The following CD37 variants were observed in gnomAD, a reference collection of about 807,000 sequenced individuals.
The protein encoded by CD37 is leukocyte antigen CD37.
CD37 carries 37 observed loss-of-function variants against 38.9 expected under a neutral mutation model. The ratio of observed to expected loss-of-function variants is 0.95; its 90% CI spans 0.73 to 1.25. The LOEUF is 1.25. Among genes scored for constraint, CD37 ranks in the 50% most tolerant of loss-of-function variants. The pLI is 0.00. For missense variants in CD37, 351 were observed against 360.1 expected (o/e 0.97, Z 0.20); for synonymous variants, 146 against 150.1 (o/e 0.97, Z 0.20).
rs750178372 is a variant in CD37 at position 49,335,984 on chromosome 19, G to C, written c.142+198G>C. 3 of 605,744 alleles carry C rather than the reference G, an allele frequency of 5.0e-6. No homozygotes were observed. The highest frequency in any genetic ancestry group is 8.8e-6 in the Non-Finnish European group (3 of 339,898). The allele number at this position is 605,744 out of a possible 1,614,324, so 37.5% of individuals were successfully genotyped here. A position where few individuals can be genotyped will look rare whatever the true frequency, so the allele number is the denominator to read the frequency against. On this transcript the variant is annotated intron_variant, in intron 2 of 7. Coordinates refer to ENST00000323906, the MANE Select transcript of CD37 (RefSeq NM_001774.3). The surrounding 1 kb of genome is among the most constrained non-coding windows in gnomAD (Gnocchi z 4.6). Reference sequence around the variant, plus strand: ...TGTGCATACAAACAACAATGATCATGAGAGCCATTTCTCAAGCACTTCCTA... The same window carrying C: ...TGTGCATACAAACAACAATGATCATCAGAGCCATTTCTCAAGCACTTCCTA...
rs751538718 is a variant in CD37, at chr19:49,338,966, C to A, written c.684+30C>A. 2 of 1,548,632 alleles carry A rather than the reference C, an allele frequency of 1.3e-6. No individual in the cohort carries two copies. The highest frequency in any genetic ancestry group is 4.5e-5 in the East Asian group (2 of 44,298). Reference sequence around the variant, plus strand: ...GCAGGGGTTCGGAGCATAAACCTGTCGAATGGGGCGGGGCCTGCGGGAGGG... The same window carrying A: ...GCAGGGGTTCGGAGCATAAACCTGTAGAATGGGGCGGGGCCTGCGGGAGGG... On this transcript the variant is annotated intron_variant, in intron 6 of 7. Transcript: ENST00000323906. This position sits in a 1 kb window ranked among gnomAD's most constrained non-coding sequence, Gnocchi z 5.0.
At chr19:49,337,476 T>C in intron 4 of CD37, 1 of 601,706 alleles carries the variant, frequency 1.7e-6, no homozygotes, top group Non-Finnish European at 2.8e-6. Context: ...AAAAAAAAAA[T>C]CCGGGTGTGA....
chr19:49,335,829 A>G lies in CD37; in HGVS notation c.142+43A>G. On this transcript the variant is annotated intron_variant, in intron 2 of 7. Coordinates refer to ENST00000323906, the MANE Select transcript of CD37 (RefSeq NM_001774.3). The surrounding 1 kb of genome is among the most constrained non-coding windows in gnomAD (Gnocchi z 4.6). The stretch of plus-strand genomic sequence containing the variant: ...AGGTGGGAGGGCCTCCCCCAACCCA[A>G]GCAACTTCCTGGGGTCTCCCTTGTC... The G allele has an allele frequency of 6.6e-7, 1 of 1,512,734 alleles. No homozygotes were observed. The highest frequency in any genetic ancestry group is 9.2e-7 in the Non-Finnish European group (1 of 1,090,152). The allele number at this position is 1,512,734 out of a possible 1,614,324, so 93.7% of individuals were successfully genotyped here. A position where few individuals can be genotyped will look rare whatever the true frequency, so the allele number is the denominator to read the frequency against.
In CD37 at chr19:49,340,522, C is replaced by A. The variant is rs1478780220; in HGVS notation, c.*194C>A. The A allele has an allele frequency of 1.6e-6, 1 of 632,786 alleles. No homozygotes were observed. The highest frequency in any genetic ancestry group is 2.4e-5 in the Admixed American group (1 of 42,436). 39.2% of individuals were successfully genotyped at this position (632,786 alleles called of 1,614,324 possible). On this transcript the variant is annotated 3_prime_UTR_variant, in exon 8 of 8. Coordinates refer to ENST00000323906, the MANE Select transcript of CD37 (RefSeq NM_001774.3). ...GACCTGGGGCTTTCGTCCACAGCTTCCTGTCCCCATCTGTCGGCCTACCAC... is the reference window on the plus strand; with the variant it reads ...GACCTGGGGCTTTCGTCCACAGCTTACTGTCCCCATCTGTCGGCCTACCAC...
Position 49,339,539 on chromosome 19 carries a change from C to T in CD37, c.768+126C>T, listed in dbSNP as rs1477411544. 4 of 1,477,760 alleles carry T rather than the reference C, an allele frequency of 2.7e-6. No individual in the cohort carries two copies. The highest frequency in any genetic ancestry group is 2.4e-5 in the East Asian group (1 of 42,552). The allele number at this position is 1,477,760 out of a possible 1,614,324, so 91.5% of individuals were successfully genotyped here. A position where few individuals can be genotyped will look rare whatever the true frequency, so the allele number is the denominator to read the frequency against. ...GCGGAGCGCAGCCCACCCCGGCCCT[C>T]CCGCCGCTCCACCCAGCACCGGAGG... On this transcript the variant is annotated intron_variant, in intron 7 of 7. Transcript: ENST00000323906. This position sits in a 1 kb window ranked among gnomAD's most constrained non-coding sequence, Gnocchi z 4.5.
chr19:49,338,596 G>A lies in CD37; in HGVS notation c.448-104G>A. 1.2e-6 allele frequency: 1 copy of A among 813,250 alleles called. No homozygotes were observed. 50.4% of individuals were successfully genotyped at this position (813,250 alleles called of 1,614,324 possible). A position where few individuals can be genotyped will look rare whatever the true frequency, so the allele number is the denominator to read the frequency against. ...TCCCCCACTCCACACCCACCACTTA[G>A]TCCCCTGCTCCCCGACCTGACCTCA... is the stretch of plus-strand genomic sequence containing the variant. On this transcript the variant is annotated intron_variant, in intron 5 of 7. Transcript: ENST00000323906. This position sits in a 1 kb window ranked among gnomAD's most constrained non-coding sequence, Gnocchi z 5.0.
In CD37 at chr19:49,337,993, C is replaced by G. The variant is rs1322072751; in HGVS notation, c.411C>G (p.Thr137=). 6.2e-7 allele frequency: 1 copy of G among 1,614,020 alleles called. No individual in the cohort carries two copies. The change falls in exon 5 of 8, where the codon ACC becomes ACG. Residue 137 remains threonine (T), a synonymous_variant. Coordinates refer to ENST00000323906, the MANE Select transcript of CD37 (RefSeq NM_001774.3). ...IQKYGTNPEE[T]AAEESWDYVQ... is the part of the protein sequence containing the mutation. ...AGTACGGCACCAACCCCGAGGAGACCGCGGCCGAGGAGAGCTGGGACTATG... is the reference window on the plus strand; with the variant it reads ...AGTACGGCACCAACCCCGAGGAGACGGCGGCCGAGGAGAGCTGGGACTATG...
Position 49,338,998 on chromosome 19 carries a change from CTG to C in CD37, c.684+64_684+65del. ...GGCGGGGCCTGCGGGAGGGGGAGGG[CTG>C]TCAGTGAGTAGCGGCCTGAGAAAGG... On this transcript the variant is annotated intron_variant, in intron 6 of 7. Transcript: ENST00000323906. The surrounding 1 kb of genome is among the most constrained non-coding windows in gnomAD (Gnocchi z 5.0). 7.7e-7 allele frequency: 1 copy of C among 1,305,626 alleles called. No individual in the cohort carries two copies. Among genetic ancestry groups the C allele is most frequent in the Non-Finnish European group, 1.1e-6 (1 of 911,474 alleles). The allele number at this position is 1,305,626 out of a possible 1,614,324, so 80.9% of individuals were successfully genotyped here. A position where few individuals can be genotyped will look rare whatever the true frequency, so the allele number is the denominator to read the frequency against.
At chr19:49,336,790 A>G (rs1706507873) in intron 2 of CD37, 119 bp from the exon 3 acceptor site, 2 of 1,010,354 alleles carry the variant, frequency 2.0e-6, no homozygotes, top group Non-Finnish European at 3.0e-6. Context: ...GCAGGGACAG[A>G]GTCCCAGAGA....
rs1971043870 is a variant in CD37 at position 49,338,458 on chromosome 19, C to A, written c.448-242C>A. Among the ~76,000 whole-genome samples, 1 of 151,962 alleles carries A rather than the reference C, an allele frequency of 6.6e-6. No homozygotes were observed. The highest frequency in any genetic ancestry group is 1.5e-5 in the Non-Finnish European group (1 of 67,992). The stretch of plus-strand genomic sequence containing the variant: ...CACCCACCCAATCTCTAGTCCACAG[C>A]GCGACCCTGCAGCTCCTTCCCCAGC... On this transcript the variant is annotated intron_variant, in intron 5 of 7. Coordinates refer to ENST00000323906, the MANE Select transcript of CD37 (RefSeq NM_001774.3). This position sits in a 1 kb window ranked among gnomAD's most constrained non-coding sequence, Gnocchi z 5.0.
chr19:49,338,802 T>C lies in CD37; in HGVS notation c.550T>C (p.Leu184=), dbSNP rs1319866123. The part of the protein sequence containing the change: ...AHRVPCSCYN[L]SATNDSTILD... The stretch of plus-strand genomic sequence containing the variant: ...CCGCGTGCCCTGCTCCTGCTACAAC[T>C]TGTCGGCGACCAACGACTCCACAAT... The change falls in exon 6 of 8, where the codon TTG becomes CTG. Residue 184 remains leucine (L), a synonymous_variant. Coordinates refer to ENST00000323906, the MANE Select transcript of CD37 (RefSeq NM_001774.3). The surrounding 1 kb of genome is among the most constrained non-coding windows in gnomAD (Gnocchi z 5.0). 2 of 1,613,724 alleles carry C rather than the reference T, an allele frequency of 1.2e-6. No individual in the cohort carries two copies. The highest frequency in any genetic ancestry group is 2.2e-5 in the East Asian group (1 of 44,876).
Position 49,340,231 on chromosome 19 carries a change from C to A in CD37, c.769-20C>A. 6.2e-7 allele frequency: 1 copy of A among 1,605,684 alleles called. No individual in the cohort carries two copies. The highest frequency in any genetic ancestry group is 8.5e-7 in the Non-Finnish European group (1 of 1,173,106). ...CCAGCACCCCTTCGACTTCTCTGAC[C>A]TCATCTCCTTTCTCTATAGCTCGGG... On this transcript the variant is annotated intron_variant, in intron 7 of 7. Coordinates refer to ENST00000323906, the MANE Select transcript of CD37 (RefSeq NM_001774.3).
Position 49,335,598 on chromosome 19 carries a change from C to CTCT in CD37, c.67_69dup (p.Phe23dup). ...CAAGTACTTCCTCTTCGTTTTCAAC[C>CTCT]TCTTCTTCTTCGTGAGTTGCCTCAT... On this transcript the variant is annotated inframe_insertion, in exon 1 of 8. Coordinates refer to ENST00000323906, the MANE Select transcript of CD37 (RefSeq NM_001774.3). This position sits in a 1 kb window ranked among gnomAD's most constrained non-coding sequence, Gnocchi z 4.6. 2 of 1,613,604 alleles carry CTCT rather than the reference C, an allele frequency of 1.2e-6. No individual in the cohort carries two copies. The highest frequency in any genetic ancestry group is 8.5e-7 in the Non-Finnish European group (1 of 1,179,512).
intron 4 of CD37, chr19:49,337,619 T>C (rs1228913591): frequency 2.0e-6 from 3 of 1,468,112 alleles, no homozygotes; most frequent in Non-Finnish European, 2.7e-6. Context: ...AAAAAATAAA[T>C]TAATAGAAAG....
chr19:49,337,714 T>C (rs536499064), intron 4 of CD37: 45 of 1,533,714 alleles, frequency 2.9e-5, no homozygotes, highest in African/African-American at 6.9e-5. Flanking sequence ...GAGAAAGAAA[T>C]AGACGCCCTG....
Position 49,339,633 on chromosome 19 carries a change from C to G in CD37, c.768+220C>G. 1 of 1,430,170 alleles carries G rather than the reference C, an allele frequency of 7.0e-7. No individual in the cohort carries two copies. The highest frequency in any genetic ancestry group is 9.1e-7 in the Non-Finnish European group (1 of 1,096,794). 88.6% of individuals were successfully genotyped at this position (1,430,170 alleles called of 1,614,324 possible). On this transcript the variant is annotated intron_variant, in intron 7 of 7. Transcript: ENST00000323906. The surrounding 1 kb of genome is among the most constrained non-coding windows in gnomAD (Gnocchi z 4.5). ...AGGGAAAGCCTCCTGCTATTGGCTG[C>G]GATCTCCCTCCCCTTTCTCCGCAGA...
At position 49,337,974 on chromosome 19, in the gene CD37, G is replaced by T; in HGVS notation, c.392G>T (p.Gly131Val). ...GTAGAGAAAACCATCCAAAAGTACG[G>T]CACCAACCCCGAGGAGACCGCGGCC... Reference protein sequence around the residue: ...DVVEKTIQKYGTNPEETAAEE... With the variant: ...DVVEKTIQKYVTNPEETAAEE... The change falls in exon 5 of 8, where the codon GGC becomes GTC. Residue 131 changes from glycine to valine, a missense_variant. By Grantham distance (109) the Gly-to-Val change is moderately radical. Transcript: ENST00000323906. 1 of 1,614,072 alleles carries T rather than the reference G, an allele frequency of 6.2e-7. No individual in the cohort carries two copies. The highest frequency in any genetic ancestry group is 8.5e-7 in the Non-Finnish European group (1 of 1,179,998).
rs1971074028 is a variant in CD37 at position 49,338,995 on chromosome 19, G to A, written c.684+59G>A. 1 of 1,339,198 alleles carries A rather than the reference G, an allele frequency of 7.5e-7. No individual in the cohort carries two copies. Among genetic ancestry groups the A allele is most frequent in the Non-Finnish European group, 1.1e-6 (1 of 939,888 alleles). The allele number at this position is 1,339,198 out of a possible 1,614,324, so 83.0% of individuals were successfully genotyped here. A position where few individuals can be genotyped will look rare whatever the true frequency, so the allele number is the denominator to read the frequency against. Reference sequence around the variant, plus strand: ...TGGGGCGGGGCCTGCGGGAGGGGGAGGGCTGTCAGTGAGTAGCGGCCTGAG... The same window carrying A: ...TGGGGCGGGGCCTGCGGGAGGGGGAAGGCTGTCAGTGAGTAGCGGCCTGAG... On this transcript the variant is annotated intron_variant, in intron 6 of 7. Coordinates refer to ENST00000323906, the MANE Select transcript of CD37 (RefSeq NM_001774.3). The surrounding 1 kb of genome is among the most constrained non-coding windows in gnomAD (Gnocchi z 5.0).
In CD37 at chr19:49,338,093, C is replaced by T; in HGVS notation, c.447+64C>T. On this transcript the variant is annotated intron_variant, in intron 5 of 7. Transcript: ENST00000323906. This position sits in a 1 kb window ranked among gnomAD's most constrained non-coding sequence, Gnocchi z 5.0. ...GCCTCAGCCCTGTGCTTGGAGGAGA[C>T]TCCACCCCAACGTGGGCCCGACCCC... 3.8e-6 allele frequency: 6 copies of T among 1,582,390 alleles called. No homozygotes were observed. Among genetic ancestry groups the T allele is most frequent in the Non-Finnish European group, 5.2e-6 (6 of 1,163,936 alleles).
Sources: allele counts gnomAD v4.1 joint callset (sites outside exome capture counted in the v4.1 genomes callset), GRCh38; gene constraint gnomAD v4.1.1; non-coding constraint Gnocchi (gnomAD v3.1); transcripts MANE v1.5; gene names NCBI Gene and HGNC (gene_info 2026-07-23, HGNC 2026-07-21).